Variants in DNAH14 observed in about 807,000 individuals in gnomAD.
The protein encoded by DNAH14 is axonemal beta dynein heavy chain 14.
A neutral mutation model predicts 520.9 loss-of-function variants in DNAH14; 478 were observed. The observed-to-expected ratio is 0.92, with a 90% CI of 0.85 to 0.99. The LOEUF is 0.99. DNAH14 is among the 50% of genes least tolerant of loss of function. DNAH14 has a pLI of 0.00. For synonymous variants in DNAH14, 1,581 were observed against 1,757.2 expected, an observed-to-expected ratio of 0.90 and a Z score of 2.51; for missense variants, 4,831 against 5,234.5, an observed-to-expected ratio of 0.92 and a Z score of 2.38.
At chr1:225,201,963 C>T (rs1450003159) in intron 38 of DNAH14, among the ~76,000 whole-genome samples, 2 of 150,486 alleles carry the variant, frequency 1.3e-5, no homozygotes, top group Non-Finnish European at 2.9e-5. Context: ...GCAACCTCTG[C>T]CTCCCAGGTT....
chr1:225,347,799 A>G (rs1415968157), intron 71 of DNAH14, among the ~76,000 whole-genome samples: 2 of 152,198 alleles, frequency 1.3e-5, no homozygotes, highest in African/African-American at 4.8e-5. Context: ...AAAAAGATAC[A>G]TAAGGCAAAC....
At chr1:225,219,811 A>C (rs1328170232) in intron 41 of DNAH14, among the ~76,000 whole-genome samples, 1 of 152,200 alleles carries the variant, frequency 6.6e-6, no homozygotes, top group East Asian at 1.9e-4. Flanking sequence ...CATTTTATGA[A>C]GCCAGCATCA....
At chr1:225,327,406 C>T (rs1032081531) in intron 64 of DNAH14, among the ~76,000 whole-genome samples, 1 of 152,060 alleles carries the variant, frequency 6.6e-6, no homozygotes, top group South Asian at 2.1e-4. Context: ...TGTGATCCAC[C>T]CGCCTCGGCC....
chr1:225,333,277 A>G lies in DNAH14; in HGVS notation c.9865-14A>G. 6.5e-7 allele frequency: 1 copy of G among 1,536,612 alleles called. No homozygotes were observed. The highest frequency in any genetic ancestry group is 8.8e-7 in the Non-Finnish European group (1 of 1,136,052). On this transcript the variant is annotated splice_polypyrimidine_tract_variant and intron_variant, in intron 65 of 85. Transcript: ENST00000682510. ...ATTTTATATAGAATAACTCATTTCT[A>G]TTTTAACATTTAGACTCGATGGCAA... is the stretch of plus-strand genomic sequence containing the variant.
intron 36 of DNAH14, among the ~76,000 whole-genome samples, chr1:225,178,391 T>A (rs2083566755): frequency 1.3e-5 from 2 of 152,124 alleles, no homozygotes; most frequent in African/African-American, 4.8e-5. Context: ...AAACCTCTGA[T>A]AAACCCATCA....
chr1:225,303,230 G>T lies in DNAH14; in HGVS notation c.8706G>T (p.Val2902=). 1 of 1,551,206 alleles carries T rather than the reference G, an allele frequency of 6.4e-7. No homozygotes were observed. The highest frequency in any genetic ancestry group is 8.7e-7 in the Non-Finnish European group (1 of 1,146,642). ...EGPSFRQNCR[V]YPSMISSCTI... ...CTAGCTTCCGCCAAAATTGTAGAGT[G>T]TATCCTTCTATGATTAGCTCCTGCA... Residue 2902 remains valine, a synonymous_variant, in exon 57 of 86, where the codon GTG becomes GTT. Transcript: ENST00000682510.
At chr1:225,150,629 G>GGT (rs749767422) in intron 31 of DNAH14, among the ~76,000 whole-genome samples, 10 of 152,046 alleles carry the variant, frequency 6.6e-5, no homozygotes, top group Non-Finnish European at 1.3e-4. Flanking sequence ...GCCTTGGGAG[G>GGT]GTGTGTGTGT....
chr1:225,105,090 A>T (rs376500922), intron 23 of DNAH14, among the ~76,000 whole-genome samples: 19 of 152,154 alleles, frequency 1.2e-4, no homozygotes, highest in African/African-American at 3.4e-4. Flanking sequence ...GTTGTGTCTT[A>T]GTTCTCATTG....
chr1:225,321,072 C>A (rs2094547539), intron 61 of DNAH14, among the ~76,000 whole-genome samples: 1 of 152,024 alleles, frequency 6.6e-6, no homozygotes, highest in Admixed American at 6.6e-5. Flanking sequence ...GTTATCTTTC[C>A]CATTATTTCA....
At chr1:225,071,787 C>T (rs2071576916) in intron 17 of DNAH14, among the ~76,000 whole-genome samples, 1 of 152,138 alleles carries the variant, frequency 6.6e-6, no homozygotes, top group Non-Finnish European at 1.5e-5. Flanking sequence ...AAGTGCCAAA[C>T]AAAAGGCAGG....
chr1:225,322,969 T>A, intron 62 of DNAH14, 146 bp downstream of exon 62: 1 of 903,392 alleles, frequency 1.1e-6, no homozygotes, highest in Non-Finnish European at 1.6e-6. Context: ...AGAGAGGAGT[T>A]GCCTAGTTGG....
At position 225,169,311 on chromosome 1, in the gene DNAH14, G is replaced by A. The variant is rs2082359870; in HGVS notation, c.5535+1283G>A. 1.3e-5 allele frequency among the ~76,000 whole-genome samples: 2 copies of A among 151,524 alleles called. 1 individual carries two copies. Among genetic ancestry groups the A allele is most frequent in the South Asian group, 4.2e-4 (2 of 4,790 alleles). ...GCTGGACAGAGAATGACTTTGACGA[G>A]TTGAGAGAAGAAGACTTCAGATGAT... On this transcript the variant is annotated intron_variant, in intron 36 of 85. Transcript: ENST00000682510.
Position 225,259,261 on chromosome 1 carries a change from A to G in DNAH14, c.7157+8A>G, listed in dbSNP as rs1353845281. 1 of 1,396,666 alleles carries G rather than the reference A, an allele frequency of 7.2e-7. No homozygotes were observed. Among genetic ancestry groups the G allele is most frequent in the East Asian group, 2.8e-5 (1 of 35,420 alleles). 86.5% of individuals were successfully genotyped at this position (1,396,666 alleles called of 1,614,324 possible). ...TGAAATAAAAAAATCAAGGTTGTAT[A>G]TACTAACTTCTAAATTTGATTTGTC... On this transcript the variant is annotated splice_region_variant and intron_variant, in intron 46 of 85. Coordinates refer to ENST00000682510, the MANE Select transcript of DNAH14 (RefSeq NM_001367479.1).
chr1:225,190,611 T>C (rs2149343523), intron 37 of DNAH14, among the ~76,000 whole-genome samples: 1 of 152,124 alleles, frequency 6.6e-6, no homozygotes, highest in Middle Eastern at 3.4e-3. Flanking sequence ...TAAGTTAAAA[T>C]AAAGCTATTA....
At chr1:225,070,922 T>G (rs542724520) in intron 17 of DNAH14, among the ~76,000 whole-genome samples, 1 of 152,236 alleles carries the variant, frequency 6.6e-6, no homozygotes, top group Non-Finnish European at 1.5e-5. Flanking sequence ...TTGAACCCTT[T>G]AACATTATGT....
At chr1:225,019,448 T>TCC (rs2065479723) in intron 10 of DNAH14, among the ~76,000 whole-genome samples, 1 of 152,168 alleles carries the variant, frequency 6.6e-6, no homozygotes, top group African/African-American at 2.4e-5. Context: ...TACAAAGAGT[T>TCC]TTAGACAACC....
intron 10 of DNAH14, among the ~76,000 whole-genome samples, chr1:225,012,043 T>C (rs2501123): frequency 0.85 from 129,103 of 152,040 alleles, 56,279 homozygotes; most frequent in Non-Finnish European, 0.96. Flanking sequence ...TTCTTCATAG[T>C]ATCAATGGTC....
intron 38 of DNAH14, among the ~76,000 whole-genome samples, chr1:225,201,454 A>G (rs904481099): frequency 6.6e-6 from 1 of 152,110 alleles, no homozygotes; most frequent in African/African-American, 2.4e-5. Context: ...TTCTCATACT[A>G]ACAGAGTTGG....
intron 5 of DNAH14, among the ~76,000 whole-genome samples, chr1:224,965,948 AT>A (rs1558538076): frequency 1.3e-5 from 2 of 152,182 alleles, no homozygotes; most frequent in African/African-American, 2.4e-5. Flanking sequence ...CTTGTTTTTA[AT>A]TGAAAAAATA....
Sources: gnomAD v4.1 joint callset for allele counts (sites outside exome capture counted in the v4.1 genomes callset) on GRCh38, gnomAD v4.1.1 for gene constraint, MANE v1.5 for transcripts, NCBI Gene and HGNC (gene_info 2026-07-23, HGNC 2026-07-21) for gene names.